Variants in SPTBN2 observed in about 807,000 individuals in gnomAD.
SPTBN2 encodes the protein spectrin beta chain, non-erythrocytic 2.
In SPTBN2, 107 loss-of-function variants were observed where a neutral mutation model predicts 284.2. The ratio of observed to expected loss-of-function variants is 0.38; its 90% CI spans 0.32 to 0.44. The LOEUF is 0.44. Ranked by LOEUF, SPTBN2 falls within the 20% of genes least tolerant of loss-of-function variation. SPTBN2 has a pLI of 1.00. For missense variants in SPTBN2, 2,569 were observed against 3,287.1 expected (o/e 0.78, Z 5.34); for synonymous variants, 1,289 against 1,354.8 (o/e 0.95, Z 1.07).
Position 66,710,668 on chromosome 11 carries a change from A to G in SPTBN2, c.987T>C (p.Asn329=). 1 of 1,614,200 alleles carries G rather than the reference A, an allele frequency of 6.2e-7. No individual in the cohort carries two copies. Among genetic ancestry groups the G allele is most frequent in the Non-Finnish European group, 8.5e-7 (1 of 1,180,026 alleles). ...QWIEQTIVTL[N]DRQLANSLSG... ...TAAGGGAGTTGGCCAACTGCCGGTC[A>G]TTGAGGGTCACGATCGTTTGCTCGA... Residue 329 remains asparagine, a synonymous_variant, in exon 10 of 38, where the codon AAT becomes AAC. Coordinates refer to ENST00000533211, the MANE Select transcript of SPTBN2 (RefSeq NM_006946.4). The surrounding 1 kb of genome is among the most constrained non-coding windows in gnomAD (Gnocchi z 4.9).
At chr11:66,743,143 G>T (rs1216393879) in intron 1 of SPTBN2, among the ~76,000 whole-genome samples, 2 of 149,774 alleles carry the variant, frequency 1.3e-5, no homozygotes, top group Non-Finnish European at 3.0e-5. Flanking sequence ...TCTGCGGGGG[G>T]TGTGGGGGGA....
rs1942001316 is a variant in SPTBN2, at chr11:66,713,751, G to T, written c.657-5C>A. 3 of 1,601,978 alleles carry T rather than the reference G, an allele frequency of 1.9e-6. No individual in the cohort carries two copies. The highest frequency in any genetic ancestry group is 3.3e-5 in the Admixed American group (2 of 59,992). ...TCAAAATCCAGCAGGTCTGGCCTGG[G>T]TGGGGAGGCAAGACAGAAGGGATCA... is the stretch of plus-strand genomic sequence containing the variant. On this transcript the variant is annotated splice_region_variant and splice_polypyrimidine_tract_variant and intron_variant, in intron 7 of 37. Coordinates refer to ENST00000533211, the MANE Select transcript of SPTBN2 (RefSeq NM_006946.4).
At chr11:66,730,565 A>C (rs772293234), upstream of SPTBN2, among the ~76,000 whole-genome samples, 10 of 151,122 alleles carry the variant, frequency 6.6e-5, no homozygotes, top group Non-Finnish European at 1.3e-4. Flanking sequence ...GGGCAACAAG[A>C]ACGAGACTCC....
At chr11:66,714,802 T>C (rs1942058892) in intron 5 of SPTBN2, among the ~76,000 whole-genome samples, 1 of 151,864 alleles carries the variant, frequency 6.6e-6, no homozygotes, top group African/African-American at 2.4e-5. Flanking sequence ...CACTGGGGCA[T>C]GAGGAGGAGG....
At chr11:66,729,528 A>C (rs569970404), upstream of SPTBN2, among the ~76,000 whole-genome samples, 37 of 152,212 alleles carry the variant, frequency 2.4e-4, no homozygotes, top group Non-Finnish European at 5.4e-4. Context: ...TGGGTAATTT[A>C]GGATTTTGCT....
At position 66,715,949 on chromosome 11, in the gene SPTBN2, T is replaced by C. The variant is rs769557138; in HGVS notation, c.190A>G (p.Thr64Ala). The C allele has an allele frequency of 6.2e-7, 1 of 1,614,058 alleles. No individual in the cohort carries two copies. The highest frequency in any genetic ancestry group is 8.5e-7 in the Non-Finnish European group (1 of 1,180,008). ...GCCAGGTGCGAGTTTACCCACTTGG[T>C]GAAGGTTTTCTTCTGCACAGCTTCT... ...EREAVQKKTF[T>A]KWVNSHLARV... Residue 64 changes from threonine (T) to alanine (A), a missense_variant, in exon 4 of 38, where the codon ACC becomes GCC. Coordinates refer to ENST00000533211, the MANE Select transcript of SPTBN2 (RefSeq NM_006946.4). The surrounding 1 kb of genome is among the most constrained non-coding windows in gnomAD (Gnocchi z 5.3).
At chr11:66,742,097 C>G (rs1942899441) in intron 1 of SPTBN2, among the ~76,000 whole-genome samples, 1 of 152,232 alleles carries the variant, frequency 6.6e-6, no homozygotes, top group Non-Finnish European at 1.5e-5. Context: ...GCTGGAATTA[C>G]AAGCATGAGC....
rs879653612 is a variant in SPTBN2, at chr11:66,682,767, ATT to A, written c.*3102_*3103del. Among the ~76,000 whole-genome samples the A allele has an allele frequency of 2.1e-5, 3 of 144,036 alleles. No homozygotes were observed. Among genetic ancestry groups the A allele is most frequent in the Non-Finnish European group, 4.6e-5 (3 of 65,432 alleles). 94.5% of individuals were successfully genotyped at this position (144,036 alleles called of 152,430 possible). ...AATATATTTTTCTCTACATAATCCT[ATT>A]TTTTTTTTTTTGAGACAGGGTCTCA... On this transcript the variant is annotated 3_prime_UTR_variant, in exon 38 of 38. Coordinates refer to ENST00000533211, the MANE Select transcript of SPTBN2 (RefSeq NM_006946.4).
At chr11:66,712,199 C>T (rs1363327701) in intron 8 of SPTBN2, among the ~76,000 whole-genome samples, 1 of 152,190 alleles carries the variant, frequency 6.6e-6, no homozygotes, top group Non-Finnish European at 1.5e-5. Context: ...GTACTGATTT[C>T]AAAGGGGTGT....
chr11:66,713,944 T>C (rs558329132), intron 7 of SPTBN2, 147 bp downstream of exon 7: 10 of 930,500 alleles, frequency 1.1e-5, no homozygotes, highest in East Asian at 2.5e-5. Flanking sequence ...TGCGCAGCCC[T>C]GCACCCCCAT....
chr11:66,696,934 T>TC (rs1283263853), intron 20 of SPTBN2, among the ~76,000 whole-genome samples: 2 of 152,174 alleles, frequency 1.3e-5, no homozygotes, highest in Non-Finnish European at 2.9e-5. Context: ...CCACCTGGTT[T>TC]CCCCACTTCC....
rs1196799989 is a variant in SPTBN2 at position 66,691,390 on chromosome 11, T to C, written c.5459A>G (p.Lys1820Arg). The change falls in exon 27 of 38, where the codon AAG (lysine) becomes AGG (arginine). Residue 1820 changes from lysine (K) to arginine (R), a missense_variant. Coordinates refer to ENST00000533211, the MANE Select transcript of SPTBN2 (RefSeq NM_006946.4). The surrounding 1 kb of genome is among the most constrained non-coding windows in gnomAD (Gnocchi z 8.0). ...ARQALARVQH[K>R]QQQLPDGTGR... ...AGTCCCGTCCGGAAGCTGCTGCTGC[T>C]TGTGCTGCACCCGCGCCAGGGCTTG... 1.2e-6 allele frequency: 2 copies of C among 1,604,586 alleles called. No individual in the cohort carries two copies. Among genetic ancestry groups the C allele is most frequent in the Non-Finnish European group, 1.7e-6 (2 of 1,173,308 alleles).
At chr11:66,712,556 A>C (rs1264446543) in intron 8 of SPTBN2, among the ~76,000 whole-genome samples, 1 of 151,984 alleles carries the variant, frequency 6.6e-6, no homozygotes, top group African/African-American at 2.4e-5. Context: ...CAAAAAAAAA[A>C]AAAAGAGCCC....
At chr11:66,728,189 G>C (rs926955450) in intron 1 of SPTBN2, 7 of 145,708 alleles carry the variant, frequency 4.8e-5, no homozygotes, top group Admixed American at 4.8e-4. Context: ...CCGGGCGGGC[G>C]GGGGCGCGGC....
intron 3 of SPTBN2, among the ~76,000 whole-genome samples, chr11:66,717,896 G>A (rs891322945): frequency 2.6e-5 from 4 of 152,104 alleles, no homozygotes; most frequent in Admixed American, 6.5e-5. Context: ...ACACACCTGC[G>A]CAGACATCTA....
At chr11:66,741,051 G>T (rs541844751) in intron 1 of SPTBN2, among the ~76,000 whole-genome samples, 5 of 152,124 alleles carry the variant, frequency 3.3e-5, no homozygotes, top group Admixed American at 6.6e-5. Context: ...CTTCTTATAG[G>T]GGGGCAGGGA....
Position 66,685,972 on chromosome 11 carries a change from C to T in SPTBN2, c.7072G>A (p.Val2358Met). ...GMTRAMTMPPVSPVGAEGPVV... is the reference protein window; with the variant it reads ...GMTRAMTMPPMSPVGAEGPVV... Reference sequence around the variant, plus strand: ...GGCCCCTCAGCCCCGACGGGTGACACTGGGGGCATGGTCATGGCCCGGGTC... The same window carrying T: ...GGCCCCTCAGCCCCGACGGGTGACATTGGGGGCATGGTCATGGCCCGGGTC... The change falls in exon 38 of 38, where the codon GTG becomes ATG. Residue 2358 changes from valine (V) to methionine (M), a missense_variant. Val to Met is a conservative substitution (Grantham distance 21). Coordinates refer to ENST00000533211, the MANE Select transcript of SPTBN2 (RefSeq NM_006946.4). This position sits in a 1 kb window ranked among gnomAD's most constrained non-coding sequence, Gnocchi z 4.4. The T allele has an allele frequency of 1.2e-6, 2 of 1,613,922 alleles. No individual in the cohort carries two copies. The highest frequency in any genetic ancestry group is 1.7e-6 in the Non-Finnish European group (2 of 1,180,020).
At chr11:66,736,611 A>G (rs891040683) in intron 1 of SPTBN2, among the ~76,000 whole-genome samples, 6 of 152,236 alleles carry the variant, frequency 3.9e-5, no homozygotes, top group Admixed American at 3.9e-4. Context: ...AGCAATAAGA[A>G]AAACAAGAAA....
In SPTBN2 at chr11:66,685,650, G is replaced by T. The variant is rs1262365991; in HGVS notation, c.*221C>A. 5 of 573,200 alleles carry T rather than the reference G, an allele frequency of 8.7e-6. No individual in the cohort carries two copies. Among genetic ancestry groups the T allele is most frequent in the Admixed American group, 5.6e-5 (2 of 35,696 alleles). The allele number at this position is 573,200 out of a possible 1,614,324, so 35.5% of individuals were successfully genotyped here. ...GAAGTCGGCGGGGGTGGGAGAGGGGGTTACCTGGGTCCCACCACCAGTCTG... is the reference window on the plus strand; with the variant it reads ...GAAGTCGGCGGGGGTGGGAGAGGGGTTTACCTGGGTCCCACCACCAGTCTG... On this transcript the variant is annotated 3_prime_UTR_variant, in exon 38 of 38. Transcript: ENST00000533211. This position sits in a 1 kb window ranked among gnomAD's most constrained non-coding sequence, Gnocchi z 4.4.
Sources: allele counts gnomAD v4.1 joint callset (sites outside exome capture counted in the v4.1 genomes callset), GRCh38; gene constraint gnomAD v4.1.1; non-coding constraint Gnocchi (gnomAD v3.1); transcripts MANE v1.5; gene names NCBI Gene and HGNC (gene_info 2026-07-23, HGNC 2026-07-21).